The following RNF24 variants were observed in gnomAD, a reference collection of about 807,000 sequenced individuals.
The protein encoded by RNF24 is ring finger protein 24.
Under a neutral mutation model 20.0 loss-of-function variants are expected in RNF24, and 14 were observed. That is an observed-to-expected ratio of 0.70 (90% CI 0.46 to 1.10). The LOEUF (loss-of-function observed/expected upper bound fraction) is 1.10. Among genes scored for constraint, RNF24 ranks in the 50% least tolerant of loss-of-function variants. The probability of loss-of-function intolerance (pLI) is 0.00; values close to 1 mark genes in which losing one functional copy is unlikely to be tolerated. For synonymous variants in RNF24, 45 were observed against 61.1 expected, an observed-to-expected ratio of 0.74 and a Z score of 1.23; for missense variants, 124 against 177.6, an observed-to-expected ratio of 0.70 and a Z score of 1.71.
chr20:3,947,020 G>C (rs989803233), intron 3 of RNF24, among the ~76,000 whole-genome samples: 9 of 152,080 alleles, frequency 5.9e-5, no homozygotes, highest in African/African-American at 1.7e-4. Flanking sequence ...GTGAAATCCT[G>C]TCTCTACTAA....
intron 4 of RNF24, among the ~76,000 whole-genome samples, chr20:3,944,019 G>A (rs2090987836): frequency 1.3e-5 from 2 of 152,072 alleles, no homozygotes; most frequent in South Asian, 4.1e-4. Flanking sequence ...AGACCAGCCT[G>A]GCCAACATGG....
At chr20:3,966,444 A>G (rs1412883595) in intron 1 of RNF24, among the ~76,000 whole-genome samples, 1 of 139,004 alleles carries the variant, frequency 7.2e-6, no homozygotes, top group Non-Finnish European at 1.6e-5. Flanking sequence ...TGAAAACTCA[A>G]AGAGGACAAA....
chr20:3,988,212 T>A (rs1980101086), intron 1 of RNF24, among the ~76,000 whole-genome samples: 1 of 151,876 alleles, frequency 6.6e-6, no homozygotes, highest in South Asian at 2.1e-4. Flanking sequence ...TGATCCCAGA[T>A]ACTCAGGAGG....
chr20:3,985,688 T>C lies in RNF24; in HGVS notation c.-7-21664A>G, dbSNP rs148304658. Among the ~76,000 whole-genome samples the C allele has an allele frequency of 9.7e-3, 1,465 of 151,498 alleles. 18 individuals carry two copies. Among genetic ancestry groups the C allele is most frequent in the African/African-American group, 0.033 (1,381 of 41,256 alleles). The stretch of plus-strand genomic sequence containing the variant: ...TGGTGAGTCTATTTTTACTCTGCCA[T>C]ATTCCTAGTAATTTTTTTTTTTTTT... On this transcript the variant is annotated intron_variant, in intron 1 of 5. Transcript: ENST00000358395.
intron 2 of RNF24, among the ~76,000 whole-genome samples, chr20:3,954,732 T>C (rs2091121898): frequency 6.6e-6 from 1 of 151,984 alleles, no homozygotes; most frequent in South Asian, 2.1e-4. Context: ...ACTCCGTCTC[T>C]ACTAAAAATA....
chr20:3,966,409 A>G (rs368395981), intron 1 of RNF24, among the ~76,000 whole-genome samples: 3 of 151,270 alleles, frequency 2.0e-5, no homozygotes, highest in African/African-American at 7.3e-5. Flanking sequence ...AAAGGATAAA[A>G]TGAGATAGCA....
chr20:3,973,584 CA>C (rs1236948392), intron 1 of RNF24, among the ~76,000 whole-genome samples: 1 of 148,112 alleles, frequency 6.8e-6, no homozygotes, highest in African/African-American at 2.5e-5. Context: ...ACAGACACTG[CA>C]GACATCAAAA....
chr20:3,988,457 CTTTTTTTT>C (rs71195876), intron 1 of RNF24, among the ~76,000 whole-genome samples: 1 of 99,670 alleles, frequency 1.0e-5, no homozygotes, highest in South Asian at 3.4e-4. Flanking sequence ...AAAAGAAACT[CTTTTTTTT>C]TTTTTTTTTT....
chr20:3,942,663 C>T (rs1029484387), intron 4 of RNF24, among the ~76,000 whole-genome samples: 2 of 152,032 alleles, frequency 1.3e-5, no homozygotes, highest in South Asian at 2.1e-4. Flanking sequence ...TTAGTAGAGA[C>T]GGGGTTTCAC....
chr20:3,990,971 G>C lies in RNF24; in HGVS notation c.-8+24466C>G, dbSNP rs182351686. Among the ~76,000 whole-genome samples the C allele has an allele frequency of 9.2e-5, 14 of 152,050 alleles. No homozygotes were observed. The East Asian group carries it at 1.9e-3, about 21-fold the overall frequency. On this transcript the variant is annotated intron_variant, in intron 1 of 5. Coordinates refer to ENST00000358395, the MANE Select transcript of RNF24 (RefSeq NM_001134337.3). ...AAACAAAAAAACAACACACAGGACA[G>C]TGCATGTGGCATATCACCTCTGATA...
At chr20:3,999,881 T>TA (rs1981244981) in intron 1 of RNF24, among the ~76,000 whole-genome samples, 1 of 152,146 alleles carries the variant, frequency 6.6e-6, no homozygotes, top group South Asian at 2.1e-4. Context: ...GAAAACATCA[T>TA]ATTAAGTGAA....
At chr20:3,995,431 T>C (rs1600706887) in intron 1 of RNF24, among the ~76,000 whole-genome samples, 2 of 152,332 alleles carry the variant, frequency 1.3e-5, no homozygotes, top group East Asian at 3.9e-4. Flanking sequence ...TTTAGCCACA[T>C]TTCTTCAACA....
chr20:3,961,722 AT>A (rs556852158), intron 2 of RNF24, among the ~76,000 whole-genome samples: 2 of 151,682 alleles, frequency 1.3e-5, no homozygotes, highest in African/African-American at 4.8e-5. Context: ...ATATTTTTAT[AT>A]TTTTTGCCTC....
At chr20:3,990,091 A>C in intron 1 of RNF24, among the ~76,000 whole-genome samples, 1 of 152,236 alleles carries the variant, frequency 6.6e-6, no homozygotes, top group East Asian at 1.9e-4. Context: ...GAGAAAAAAA[A>C]TTAAGATAGC....
intron 1 of RNF24, among the ~76,000 whole-genome samples, chr20:3,977,114 G>T (rs1978933458): frequency 6.6e-6 from 1 of 152,028 alleles, no homozygotes; most frequent in Non-Finnish European, 1.5e-5. Context: ...AGAAAAAAAA[G>T]AAAGAAGGAA....
chr20:4,001,211 G>A (rs1981361972), intron 1 of RNF24, among the ~76,000 whole-genome samples: 1 of 152,064 alleles, frequency 6.6e-6, no homozygotes. Flanking sequence ...AGGTTGCAGC[G>A]AGCTGAGATC....
rs572655579 is a variant in RNF24, at chr20:3,988,541, C to T, written c.-7-24517G>A. ...GAGGTGCAATCACAGATCACTGCAGCCTCAACCTCCTGGGCTCAAGCAATC... is the reference window on the plus strand; with the variant it reads ...GAGGTGCAATCACAGATCACTGCAGTCTCAACCTCCTGGGCTCAAGCAATC... On this transcript the variant is annotated intron_variant, in intron 1 of 5. Coordinates refer to ENST00000358395, the MANE Select transcript of RNF24 (RefSeq NM_001134337.3). Among the ~76,000 whole-genome samples, 6 of 151,004 alleles carry T rather than the reference C, an allele frequency of 4.0e-5. No individual in the cohort carries two copies. In the South Asian group the frequency reaches 1.3e-3, roughly 32 times the overall value.
At chr20:3,962,235 A>G (rs2091209761) in intron 2 of RNF24, among the ~76,000 whole-genome samples, 1 of 152,146 alleles carries the variant, frequency 6.6e-6, no homozygotes, top group Non-Finnish European at 1.5e-5. Flanking sequence ...AGGCACCTGT[A>G]GTCCCAGCTA....
intron 1 of RNF24, among the ~76,000 whole-genome samples, chr20:4,008,476 A>C (rs1396406915): frequency 8.7e-6 from 1 of 114,642 alleles, no homozygotes. Context: ...AATATGTATA[A>C]TATATAATAT....
Sources: allele counts gnomAD v4.1 joint callset (sites outside exome capture counted in the v4.1 genomes callset), GRCh38; gene constraint gnomAD v4.1.1; transcripts MANE v1.5; gene names NCBI Gene and HGNC (gene_info 2026-07-23, HGNC 2026-07-21).